Variants in CACNA1A observed in about 807,000 individuals in gnomAD.
The protein encoded by CACNA1A is calcium voltage-gated channel subunit alpha1 A.
In CACNA1A, 57 loss-of-function variants were observed where a neutral mutation model predicts 262.4. The ratio of observed to expected loss-of-function variants is 0.22; its 90% CI spans 0.18 to 0.27. The LOEUF (loss-of-function observed/expected upper bound fraction) is 0.27, where lower values mean the gene tolerates loss of function less well. CACNA1A is among the 10% of genes least tolerant of loss of function. CACNA1A has a pLI of 1.00. For missense variants in CACNA1A, 2,526 were observed against 3,562.8 expected (o/e 0.71, Z 7.41); for synonymous variants, 1,431 against 1,419.3 (o/e 1.01, Z -0.18).
At chr19:13,397,603 T>G (rs987025830) in intron 3 of CACNA1A, among the ~76,000 whole-genome samples, 2 of 151,926 alleles carry the variant, frequency 1.3e-5, no homozygotes, top group Admixed American at 6.6e-5. Flanking sequence ...GGCGCCGCCA[T>G]GTACGCTCTG....
intron 35 of CACNA1A, among the ~76,000 whole-genome samples, chr19:13,230,739 G>A (rs1271346522): frequency 1.3e-5 from 2 of 151,892 alleles, no homozygotes; most frequent in African/African-American, 2.4e-5. Context: ...CCTGGGAGGT[G>A]GAGGCTGCAG....
At position 13,214,556 on chromosome 19, in the gene CACNA1A, C is replaced by T. The variant is rs770231014; in HGVS notation, c.5784G>A (p.Ala1928=). The change falls in exon 39 of 47, where the codon GCG becomes GCA. Residue 1928 remains alanine, a synonymous_variant. Transcript: ENST00000360228. The surrounding 1 kb of genome is among the most constrained non-coding windows in gnomAD (Gnocchi z 4.1). ...TCTTCTGGGACAGATTGGGCCAAATCGCCATCATCTCCTTCCGCAGCTCAG... is the reference window on the plus strand; with the variant it reads ...TCTTCTGGGACAGATTGGGCCAAATTGCCATCATCTCCTTCCGCAGCTCAG... ...MDAELRKEMM[A]IWPNLSQKTL... 1.1e-5 allele frequency: 18 copies of T among 1,613,868 alleles called. No individual in the cohort carries two copies. Among genetic ancestry groups the T allele is most frequent in the South Asian group, 4.4e-5 (4 of 91,084 alleles).
chr19:13,455,935 C>T (rs907889811), intron 1 of CACNA1A, among the ~76,000 whole-genome samples: 39 of 149,954 alleles, frequency 2.6e-4, no homozygotes, highest in Non-Finnish European at 3.8e-4. Context: ...GGATCACTTG[C>T]GGTCAGGACT....
chr19:13,418,450 T>A (rs186627237), intron 3 of CACNA1A, among the ~76,000 whole-genome samples: 149 of 152,290 alleles, frequency 9.8e-4, no homozygotes, highest in African/African-American at 3.4e-3. Context: ...AATGCTACCT[T>A]ATTTAGAAAA....
At position 13,411,134 on chromosome 19, in the gene CACNA1A, G is replaced by A. The variant is rs571764001; in HGVS notation, c.540-39355C>T. Among the ~76,000 whole-genome samples, 8 of 152,198 alleles carry A rather than the reference G, an allele frequency of 5.3e-5. No individual in the cohort carries two copies. The South Asian group carries it at 6.2e-4, about 12-fold the overall frequency. The stretch of plus-strand genomic sequence containing the variant: ...TGCCATTACTTTTAATGGCAAAACC[G>A]CAATTACTTTTGCACCAACCTAATA... On this transcript the variant is annotated intron_variant, in intron 3 of 46. Transcript: ENST00000360228.
At position 13,435,324 on chromosome 19, in the gene CACNA1A, C is replaced by T. The variant is rs1214012508; in HGVS notation, c.539+17552G>A. Among the ~76,000 whole-genome samples the T allele has an allele frequency of 8.6e-5, 13 of 151,250 alleles. No homozygotes were observed. In the Admixed American group the frequency reaches 8.6e-4, roughly 10 times the overall value. On this transcript the variant is annotated intron_variant, in intron 3 of 46. Transcript: ENST00000360228. The stretch of plus-strand genomic sequence containing the variant: ...AGAGATGGGGTCTTGCTATATTGCC[C>T]AAGCTGGTCTCACACTCCCAATCTG...
rs1456543226 is a variant in CACNA1A at position 13,300,674 on chromosome 19, T to A, written c.2173-18A>T. ...TGCTCGTCCTAAAAGGCACGTGGAA[T>A]CTTTGTTCACAAAACATGAACTAGG... On this transcript the variant is annotated intron_variant, in intron 17 of 46. Transcript: ENST00000360228. The A allele has an allele frequency of 6.3e-7, 1 of 1,599,720 alleles. No homozygotes were observed. Among genetic ancestry groups the A allele is most frequent in the South Asian group, 1.1e-5 (1 of 90,822 alleles).
At chr19:13,376,858 G>A (rs550961879) in intron 3 of CACNA1A, among the ~76,000 whole-genome samples, 17 of 142,174 alleles carry the variant, frequency 1.2e-4, no homozygotes, top group Middle Eastern at 3.8e-3. Context: ...TAACACATAT[G>A]TTATATGTGA....
chr19:13,475,111 A>G (rs144979619), intron 1 of CACNA1A, among the ~76,000 whole-genome samples: 1 of 152,350 alleles, frequency 6.6e-6, no homozygotes, highest in African/African-American at 2.4e-5. Context: ...AAACCTATTG[A>G]GCCCTTATAG....
chr19:13,416,623 G>A (rs1176127041), intron 3 of CACNA1A, among the ~76,000 whole-genome samples: 1 of 152,072 alleles, frequency 6.6e-6, no homozygotes, highest in African/African-American at 2.4e-5. Context: ...AGACAAGCCT[G>A]GCCGACATGG....
At chr19:13,384,535 C>T (rs2059575889) in intron 3 of CACNA1A, among the ~76,000 whole-genome samples, 1 of 152,032 alleles carries the variant, frequency 6.6e-6, no homozygotes, top group Non-Finnish European at 1.5e-5. Context: ...CCGTCTCTAC[C>T]AAAAATACAA....
At chr19:13,486,524 TAA>T (rs1980015905) in intron 1 of CACNA1A, among the ~76,000 whole-genome samples, 1 of 151,800 alleles carries the variant, frequency 6.6e-6, no homozygotes. Flanking sequence ...GACAGAAAAT[TAA>T]AAGATAACAT....
At chr19:13,417,525 G>A (rs766577018) in intron 3 of CACNA1A, among the ~76,000 whole-genome samples, 2 of 152,182 alleles carry the variant, frequency 1.3e-5, no homozygotes, top group Non-Finnish European at 2.9e-5. Flanking sequence ...AGCTCTGCCT[G>A]TTTATGCCTC....
chr19:13,263,047 C>T, intron 24 of CACNA1A: 1 of 560,670 alleles, frequency 1.8e-6, no homozygotes, highest in Non-Finnish European at 3.2e-6. Flanking sequence ...TTTTGTGGTT[C>T]TGGTCCCAGG....
At chr19:13,213,836 G>A (rs745827740) in intron 40 of CACNA1A, 58 of 173,910 alleles carry the variant, frequency 3.3e-4, no homozygotes, top group Admixed American at 6.2e-4. Context: ...GGTGCATGGC[G>A]CCACATGCAG....
At chr19:13,273,757 A>T (rs927102646) in intron 24 of CACNA1A, 4 of 151,784 alleles carry the variant, frequency 2.6e-5, no homozygotes, top group African/African-American at 7.3e-5. Context: ...TAAACTTTTT[A>T]TTTTTTTGAG....
chr19:13,234,350 CAAAA>C (rs71168693), intron 34 of CACNA1A, among the ~76,000 whole-genome samples: 9 of 71,240 alleles, frequency 1.3e-4, no homozygotes, highest in East Asian at 6.8e-4. Flanking sequence ...ACTCCATCTC[CAAAA>C]AAAAAAAAAA....
At chr19:13,447,436 T>A (rs1265660031) in intron 3 of CACNA1A, among the ~76,000 whole-genome samples, 1 of 152,168 alleles carries the variant, frequency 6.6e-6, no homozygotes, top group Admixed American at 6.5e-5. Flanking sequence ...CTGCCTTCAG[T>A]TTAATGATCA....
chr19:13,257,615 G>T, intron 27 of CACNA1A, 64 bp from the exon 28 acceptor site: 1 of 1,058,584 alleles, frequency 9.4e-7, no homozygotes, highest in Non-Finnish European at 1.4e-6. Context: ...CCCAAGGGGT[G>T]ATGAGGAAGG....
Sources: allele counts gnomAD v4.1 joint callset (sites outside exome capture counted in the v4.1 genomes callset), GRCh38; gene constraint gnomAD v4.1.1; non-coding constraint Gnocchi (gnomAD v3.1); transcripts MANE v1.5; gene names NCBI Gene and HGNC (gene_info 2026-07-23, HGNC 2026-07-21).